Variants in FAM98B observed in about 807,000 individuals in gnomAD.
FAM98B encodes the protein tRNA splicing ligase complex subunit 3B.
Under a neutral mutation model 43.9 loss-of-function variants are expected in FAM98B, and 32 were observed. The ratio of observed to expected loss-of-function variants is 0.73; its 90% CI spans 0.55 to 0.98. The LOEUF (loss-of-function observed/expected upper bound fraction) is 0.98, where lower values mean the gene tolerates loss of function less well. FAM98B is among the 50% of genes least tolerant of loss of function. FAM98B has a pLI of 0.00. For synonymous variants in FAM98B, 190 were observed against 174.0 expected (o/e 1.09, Z -0.72); for missense variants, 514 against 522.9 (o/e 0.98, Z 0.17).
chr15:38,460,058 G>A (rs1466643023), intron 1 of FAM98B, among the ~76,000 whole-genome samples: 1 of 152,166 alleles, frequency 6.6e-6, no homozygotes, highest in Non-Finnish European at 1.5e-5. Flanking sequence ...GAGGAGAGTT[G>A]CCAGCAGCCC....
At position 38,484,337 on chromosome 15, in the gene FAM98B, A is replaced by G; in HGVS notation, c.980A>G (p.Lys327Arg). ...CCTCCAGAAATGCCCCCTTGGCAAA[A>G]GAGACAAGAAGGCGGCGGTGGAAGG... ...PPPPEMPPWQ[K>R]RQEGGGGRGG... The change falls in exon 8 of 8, where the codon AAG (lysine) becomes AGG (arginine). Residue 327 changes from lysine (K) to arginine (R), a missense_variant. Lys to Arg is a conservative substitution (Grantham distance 26). Coordinates refer to ENST00000397609, the MANE Select transcript of FAM98B (RefSeq NM_173611.4). 2 of 1,539,830 alleles carry G rather than the reference A, an allele frequency of 1.3e-6. No individual in the cohort carries two copies. Among genetic ancestry groups the G allele is most frequent in the Non-Finnish European group, 1.7e-6 (2 of 1,143,460 alleles).
intron 6 of FAM98B, among the ~76,000 whole-genome samples, chr15:38,479,624 T>C (rs1487624547): frequency 1.3e-5 from 2 of 152,232 alleles, no homozygotes; most frequent in African/African-American, 4.8e-5. Flanking sequence ...TTTTATCATT[T>C]AGTGATTCAA....
intron 1 of FAM98B, among the ~76,000 whole-genome samples, chr15:38,463,063 T>TA (rs1889974075): frequency 6.6e-6 from 1 of 152,210 alleles, no homozygotes; most frequent in Admixed American, 6.5e-5. Flanking sequence ...TTTATAATGT[T>TA]AACAAAAGTT....
Position 38,460,168 on chromosome 15 carries a change from G to A in FAM98B, c.72-3864G>A, listed in dbSNP as rs57038433. Among the ~76,000 whole-genome samples the A allele has an allele frequency of 2.0e-5, 3 of 152,204 alleles. 1 individual carries two copies. Among genetic ancestry groups the A allele is most frequent in the African/African-American group, 7.2e-5 (3 of 41,446 alleles). Reference sequence around the variant, plus strand: ...TTTGAGGGAGGGCCTAGGCCTAGGGGAGATGTTCCCAGTGTTTGGAATAAC... The same window carrying A: ...TTTGAGGGAGGGCCTAGGCCTAGGGAAGATGTTCCCAGTGTTTGGAATAAC... On this transcript the variant is annotated intron_variant, in intron 1 of 7. Coordinates refer to ENST00000397609, the MANE Select transcript of FAM98B (RefSeq NM_173611.4).
chr15:38,458,881 T>C, intron 1 of FAM98B: 1 of 448,866 alleles, frequency 2.2e-6, no homozygotes. Flanking sequence ...CTGCATTCTC[T>C]GGGTGGAAGA....
At chr15:38,454,883 G>A (rs1370978772) in intron 1 of FAM98B, among the ~76,000 whole-genome samples, 1 of 152,190 alleles carries the variant, frequency 6.6e-6, no homozygotes, top group Non-Finnish European at 1.5e-5. Context: ...CTGCCGGCTG[G>A]TATTTACAGT....
At chr15:38,465,839 GT>G (rs1449126499) in intron 3 of FAM98B, among the ~76,000 whole-genome samples, 1 of 150,756 alleles carries the variant, frequency 6.6e-6, no homozygotes, top group African/African-American at 2.4e-5. Context: ...TGCTTGTTTT[GT>G]TTTTTTTTAA....
Position 38,465,198 on chromosome 15 carries a change from G to T in FAM98B, c.218-71G>T, listed in dbSNP as rs1007214570. 8 of 1,419,852 alleles carry T rather than the reference G, an allele frequency of 5.6e-6. No homozygotes were observed. In the South Asian group the frequency reaches 1.1e-4, roughly 20 times the overall value. The allele number at this position is 1,419,852 out of a possible 1,614,324, so 88.0% of individuals were successfully genotyped here. A position where few individuals can be genotyped will look rare whatever the true frequency, so the allele number is the denominator to read the frequency against. On this transcript the variant is annotated intron_variant, in intron 2 of 7. Coordinates refer to ENST00000397609, the MANE Select transcript of FAM98B (RefSeq NM_173611.4). ...AATTGAATGTAAAATGGAAATAAAC[G>T]AGTAGATTTTATAGTATTGGATTAT...
At position 38,484,774 on chromosome 15, in the gene FAM98B, G is replaced by C. The variant is rs1378687984; in HGVS notation, c.*115G>C. The C allele has an allele frequency of 7.1e-7, 1 of 1,417,818 alleles. No individual in the cohort carries two copies. Among genetic ancestry groups the C allele is most frequent in the Non-Finnish European group, 9.2e-7 (1 of 1,088,240 alleles). The allele number at this position is 1,417,818 out of a possible 1,614,324, so 87.8% of individuals were successfully genotyped here. Reference sequence around the variant, plus strand: ...AGTAAACACCATGTTAGACTCCCTGGTGATACCACTCTTGAATTGGTTAAT... The same window carrying C: ...AGTAAACACCATGTTAGACTCCCTGCTGATACCACTCTTGAATTGGTTAAT... On this transcript the variant is annotated 3_prime_UTR_variant, in exon 8 of 8. Coordinates refer to ENST00000397609, the MANE Select transcript of FAM98B (RefSeq NM_173611.4).
rs576517917 is a variant in FAM98B at position 38,479,120 on chromosome 15, G to A, written c.730-2172G>A. Among the ~76,000 whole-genome samples, 150 of 151,946 alleles carry A rather than the reference G, an allele frequency of 9.9e-4. 2 individuals are homozygous for A. Among genetic ancestry groups the A allele is most frequent in the Non-Finnish European group, 4.7e-4 (32 of 67,962 alleles). On this transcript the variant is annotated intron_variant, in intron 6 of 7. Transcript: ENST00000397609. The stretch of plus-strand genomic sequence containing the variant: ...ACTACAGACGTGTGCCACCACACCT[G>A]GCTAATTAAAAATTTTGTTTTATTT...
At chr15:38,463,491 A>AAAAATAAAATAAAATAAAATAAAAT (rs10682998) in intron 1 of FAM98B, among the ~76,000 whole-genome samples, 186 of 140,834 alleles carry the variant, frequency 1.3e-3, no homozygotes, top group African/African-American at 4.5e-3. Context: ...ACCCTGCCTC[A>AAAAATAAAATAAAATAAAATAAAAT]AAAATAAAAT....
chr15:38,464,778 T>C (rs1890003189), intron 2 of FAM98B, among the ~76,000 whole-genome samples: 1 of 152,190 alleles, frequency 6.6e-6, no homozygotes, highest in African/African-American at 2.4e-5. Context: ...GTATCCTTTT[T>C]TTCTTAAGAG....
chr15:38,481,327 T>G lies in FAM98B; in HGVS notation c.765T>G (p.Pro255=). The G allele has an allele frequency of 6.2e-7, 1 of 1,614,164 alleles. No individual in the cohort carries two copies. Among genetic ancestry groups the G allele is most frequent in the Non-Finnish European group, 8.5e-7 (1 of 1,180,026 alleles). ...KTDDIARIYQ[P]KRYALSPKTT... is the part of the protein sequence containing the mutation. ...ATGATATAGCAAGAATTTATCAGCC[T>G]AAGCGTTATGCTTTGTCACCCAAGA... is the stretch of plus-strand genomic sequence containing the variant. Residue 255 remains proline, a synonymous_variant, in exon 7 of 8, where the codon CCT becomes CCG. Transcript: ENST00000397609.
intron 3 of FAM98B, among the ~76,000 whole-genome samples, chr15:38,467,358 A>G (rs1890051987): frequency 6.6e-6 from 1 of 152,226 alleles, no homozygotes; most frequent in Non-Finnish European, 1.5e-5. Context: ...GAAAAAGATA[A>G]AAATCCACTG....
chr15:38,481,658 A>G, intron 7 of FAM98B, 199 bp downstream of exon 7: 1 of 1,443,810 alleles, frequency 6.9e-7, no homozygotes, highest in Non-Finnish European at 9.2e-7. Flanking sequence ...CATAAATCAA[A>G]GTATTTTCTG....
chr15:38,473,430 G>T, intron 4 of FAM98B, 75 bp from the exon 5 acceptor site: 1 of 1,039,358 alleles, frequency 9.6e-7, no homozygotes, highest in South Asian at 1.5e-5. Flanking sequence ...TGTTCAGAGC[G>T]ATACTTTAAA....
intron 4 of FAM98B, among the ~76,000 whole-genome samples, chr15:38,471,264 T>G (rs1258344370): frequency 2.8e-4 from 42 of 152,260 alleles, no homozygotes; most frequent in Admixed American, 2.7e-3. Flanking sequence ...AGAATTATAG[T>G]ATCATTAAGA....
At chr15:38,454,328 G>A in intron 1 of FAM98B, 96 bp downstream of exon 1, 1 of 1,350,598 alleles carries the variant, frequency 7.4e-7, no homozygotes, top group Non-Finnish European at 1.0e-6. Flanking sequence ...GGGCCTGGGC[G>A]GCCATGTGTA....
intron 7 of FAM98B, chr15:38,482,612 C>T (rs1890301249): frequency 6.6e-6 from 1 of 152,134 alleles, no homozygotes; most frequent in Non-Finnish European, 1.5e-5. Flanking sequence ...GAGGATATTG[C>T]ACTTTTTATA....
Sources: allele counts gnomAD v4.1 joint callset (sites outside exome capture counted in the v4.1 genomes callset), GRCh38; gene constraint gnomAD v4.1.1; transcripts MANE v1.5; gene names NCBI Gene and HGNC (gene_info 2026-07-23, HGNC 2026-07-21).